ADCY10: variants seen among roughly 807,000 people sequenced by gnomAD.
ADCY10 encodes adenylate cyclase type 10.
ADCY10 carries 156 observed loss-of-function variants against 183.3 expected under a neutral mutation model. The observed-to-expected ratio is 0.85, with a 90% confidence interval of 0.75 to 0.97. The LOEUF (loss-of-function observed/expected upper bound fraction) is 0.97, where lower values mean the gene tolerates loss of function less well. Ranked by LOEUF, ADCY10 falls within the 50% of genes least tolerant of loss-of-function variation. ADCY10 has a pLI of 0.00. For missense variants in ADCY10, 1,745 were observed against 1,934.3 expected (o/e 0.90, Z 1.84); for synonymous variants, 645 against 670.0 (o/e 0.96, Z 0.58).
intron 1 of ADCY10, among the ~76,000 whole-genome samples, chr1:167,909,106 C>T (rs1669991334): frequency 6.6e-6 from 1 of 152,216 alleles, no homozygotes; most frequent in African/African-American, 2.4e-5. Context: ...TTTCTTATTT[C>T]TAACAACATA....
chr1:167,840,479 C>G (rs204269), intron 21 of ADCY10, among the ~76,000 whole-genome samples: 24,720 of 151,622 alleles, frequency 0.16, 2,061 homozygotes, highest in Middle Eastern at 0.21. Flanking sequence ...GCCTCAGCCT[C>G]CCAAGTAGCT....
At chr1:167,899,762 A>G (rs1005958419) in intron 5 of ADCY10, 134 bp from the exon 6 acceptor site, 2 of 825,176 alleles carry the variant, frequency 2.4e-6, no homozygotes, top group Non-Finnish European at 4.0e-6. Context: ...AAAACTTTAC[A>G]TAGGAATTAT....
chr1:167,905,738 A>ATGTGTG (rs112291022), intron 1 of ADCY10, among the ~76,000 whole-genome samples: 4 of 148,770 alleles, frequency 2.7e-5, no homozygotes, highest in South Asian at 2.1e-4. Context: ...GAGTTCAGAA[A>ATGTGTG]TGTGTGTGTG....
In ADCY10 at chr1:167,833,972, C is replaced by T. The variant is rs1663990748; in HGVS notation, c.3415G>A (p.Glu1139Lys). The change falls in exon 24 of 33, where the codon GAG (glutamate) becomes AAG (lysine). Residue 1139 changes from glutamate to lysine, a missense_variant and splice_region_variant. Coordinates refer to ENST00000367851, the MANE Select transcript of ADCY10 (RefSeq NM_018417.6). ...TCAAGTCTTTAATGGTTTCTTACCT[C>T]ACCTTTGAGGCTGTAAAAGGTGGCA... ...ESATFYSLKG[E>K]VCFNMGQIVL... The T allele has an allele frequency of 1.2e-6, 2 of 1,612,912 alleles. No homozygotes were observed. The highest frequency in any genetic ancestry group is 2.7e-5 in the African/African-American group (2 of 74,898).
At chr1:167,828,700 G>A (rs139125480) in intron 26 of ADCY10, among the ~76,000 whole-genome samples, 2 of 152,132 alleles carry the variant, frequency 1.3e-5, no homozygotes, top group African/African-American at 2.4e-5. Context: ...AGTGCCTCAC[G>A]CCTGTAATCC....
chr1:167,871,745 T>A (rs908632398), intron 13 of ADCY10, among the ~76,000 whole-genome samples: 4 of 152,262 alleles, frequency 2.6e-5, no homozygotes, highest in South Asian at 2.1e-4. Flanking sequence ...AGCTAAGTGC[T>A]TTGCTTGGTA....
At chr1:167,838,994 T>G (rs370673004) in intron 21 of ADCY10, among the ~76,000 whole-genome samples, 1 of 152,208 alleles carries the variant, frequency 6.6e-6, no homozygotes, top group South Asian at 2.1e-4. Context: ...CAAAAACATA[T>G]CTGAATTCAT....
chr1:167,893,805 C>T (rs772174918), intron 8 of ADCY10, 48 bp downstream of exon 8: 1 of 1,294,838 alleles, frequency 7.7e-7, no homozygotes, highest in Non-Finnish European at 1.1e-6. Context: ...TTCCAGCTGT[C>T]CAGATCCCTG....
intron 26 of ADCY10, among the ~76,000 whole-genome samples, chr1:167,826,360 G>A (rs1438616287): frequency 1.3e-5 from 2 of 152,186 alleles, no homozygotes; most frequent in African/African-American, 2.4e-5. Context: ...TTGTTTATGC[G>A]GCTTTTCAGT....
At chr1:167,854,779 A>T (rs1665764162) in intron 17 of ADCY10, among the ~76,000 whole-genome samples, 1 of 152,194 alleles carries the variant, frequency 6.6e-6, no homozygotes, top group Non-Finnish European at 1.5e-5. Context: ...AAGACTAAGG[A>T]TGTACCTTTT....
chr1:167,870,800 T>C (rs992187343), intron 13 of ADCY10, among the ~76,000 whole-genome samples: 1 of 146,260 alleles, frequency 6.8e-6, no homozygotes, highest in East Asian at 2.0e-4. Context: ...CAAGCAAAAC[T>C]CCATCTAAAA....
intron 8 of ADCY10, among the ~76,000 whole-genome samples, chr1:167,884,417 C>T (rs925229518): frequency 6.6e-6 from 1 of 152,158 alleles, no homozygotes; most frequent in East Asian, 1.9e-4. Flanking sequence ...TAATCCACCC[C>T]TATGATCCAA....
chr1:167,834,246 C>T (rs1316789560), intron 23 of ADCY10, among the ~76,000 whole-genome samples, 169 bp from the exon 24 acceptor site: 2 of 152,234 alleles, frequency 1.3e-5, no homozygotes, highest in Non-Finnish European at 2.9e-5. Context: ...AAATTCCAGA[C>T]AGGAGCTGAT....
intron 17 of ADCY10, among the ~76,000 whole-genome samples, chr1:167,855,653 C>T (rs1462490121): frequency 1.3e-5 from 2 of 152,190 alleles, no homozygotes; most frequent in Non-Finnish European, 2.9e-5. Context: ...GAAGGCGTAA[C>T]AGGGAGGCAA....
chr1:167,869,508 G>A (rs370904488), intron 14 of ADCY10, among the ~76,000 whole-genome samples: 4 of 152,192 alleles, frequency 2.6e-5, no homozygotes, highest in African/African-American at 7.2e-5. Context: ...CTAAAGGCAG[G>A]TAGCCCGGCG....
At chr1:167,847,806 T>C (rs1665153339) in intron 19 of ADCY10, among the ~76,000 whole-genome samples, 1 of 152,238 alleles carries the variant, frequency 6.6e-6, no homozygotes, top group African/African-American at 2.4e-5. Flanking sequence ...TTAGATTTTC[T>C]CCCTCATTAT....
At chr1:167,821,595 A>G (rs568796346) in intron 30 of ADCY10, among the ~76,000 whole-genome samples, 3 of 152,322 alleles carry the variant, frequency 2.0e-5, no homozygotes, top group Admixed American at 1.3e-4. Flanking sequence ...CCAGTGCTCA[A>G]TATTACGAAG....
intron 8 of ADCY10, among the ~76,000 whole-genome samples, chr1:167,888,069 T>A (rs1002602628): frequency 5.9e-5 from 9 of 152,224 alleles, no homozygotes; most frequent in African/African-American, 2.2e-4. Flanking sequence ...GGCTCTTTTG[T>A]CAAAAATTAG....
chr1:167,871,336 A>C (rs951791600), intron 13 of ADCY10, among the ~76,000 whole-genome samples: 2 of 152,242 alleles, frequency 1.3e-5, no homozygotes, highest in Non-Finnish European at 2.9e-5. Context: ...CATAAGAGCA[A>C]CTTAAATTCT....
Sources: allele counts gnomAD v4.1 joint callset (sites outside exome capture counted in the v4.1 genomes callset), GRCh38; gene constraint gnomAD v4.1.1; transcripts MANE v1.5; gene names NCBI Gene and HGNC (gene_info 2026-07-23, HGNC 2026-07-21).